Variants in CSMD1 observed in about 807,000 individuals in gnomAD.
CSMD1 encodes CUB and Sushi multiple domains 1, also known as CUB and sushi domain-containing protein 1.
In CSMD1, 213 loss-of-function variants were observed where a neutral mutation model predicts 417.5. The ratio of observed to expected loss-of-function variants is 0.51; its 90% CI spans 0.46 to 0.57. The LOEUF is 0.57. CSMD1 is among the 20% of genes least tolerant of loss of function. The probability of loss-of-function intolerance (pLI) is 0.00; values close to 1 mark genes in which losing one functional copy is unlikely to be tolerated. For synonymous variants in CSMD1, 2,862 were observed against 1,736.8 expected (o/e 1.65, Z -16.11); for missense variants, 6,923 against 4,529.7 (o/e 1.53, Z -15.17).
chr8:3,888,088 T>G (rs1435931184), intron 5 of CSMD1, among the ~76,000 whole-genome samples: 1 of 152,178 alleles, frequency 6.6e-6, no homozygotes, highest in Non-Finnish European at 1.5e-5. Flanking sequence ...TGCAATATCA[T>G]TAATTAAAAA....
At chr8:3,024,302 G>A (rs1203665130) in intron 51 of CSMD1, among the ~76,000 whole-genome samples, 2 of 149,316 alleles carry the variant, frequency 1.3e-5, no homozygotes, top group South Asian at 2.2e-4. Context: ...TTTTTGGGGG[G>A]GGAGGGCAGT....
chr8:4,501,223 T>C (rs1001673883), intron 2 of CSMD1, among the ~76,000 whole-genome samples: 4 of 152,084 alleles, frequency 2.6e-5, no homozygotes, highest in African/African-American at 7.2e-5. Flanking sequence ...CTCTATAACA[T>C]TGCTGGGCCA....
intron 2 of CSMD1, among the ~76,000 whole-genome samples, chr8:4,481,231 G>A (rs1408854867): frequency 6.6e-6 from 1 of 152,180 alleles, no homozygotes; most frequent in Non-Finnish European, 1.5e-5. Context: ...AGACCTAAGA[G>A]TCCAAATTTA....
chr8:2,965,888 T>A lies in CSMD1; in HGVS notation c.9167A>T (p.Asn3056Ile). 3 of 1,610,712 alleles carry A rather than the reference T, an allele frequency of 1.9e-6. No individual in the cohort carries two copies. Among genetic ancestry groups the A allele is most frequent in the Non-Finnish European group, 2.5e-6 (3 of 1,178,496 alleles). The change falls in exon 59 of 70, where the codon AAC becomes ATC. Residue 3056 changes from asparagine (N) to isoleucine (I), a missense_variant. Coordinates refer to ENST00000635120, the MANE Select transcript of CSMD1 (RefSeq NM_033225.6). ...GTTACACTGATAGCTCACAGTCTTG[T>A]TGAAGGTGAAGTCGGTCCCAAACTG... Reference protein sequence around the residue: ...GIQFGTDFTFNKTVSYQCNPG... With the variant: ...GIQFGTDFTFIKTVSYQCNPG...
intron 30 of CSMD1, among the ~76,000 whole-genome samples, chr8:3,211,334 T>G (rs530773559): frequency 3.4e-4 from 52 of 152,312 alleles, no homozygotes; most frequent in African/African-American, 1.2e-3. Context: ...CATGAGCAGC[T>G]TTGTCTGGTC....
At chr8:4,196,769 C>A (rs1041199697) in intron 3 of CSMD1, among the ~76,000 whole-genome samples, 1 of 152,026 alleles carries the variant, frequency 6.6e-6, no homozygotes, top group Non-Finnish European at 1.5e-5. Context: ...ATCTGTAAAC[C>A]CCTTTTTCCC....
At chr8:3,270,448 G>C (rs1326730699) in intron 26 of CSMD1, among the ~76,000 whole-genome samples, 1 of 152,088 alleles carries the variant, frequency 6.6e-6, no homozygotes, top group Non-Finnish European at 1.5e-5. Flanking sequence ...AAATTTACCA[G>C]GTGATAGATT....
At chr8:3,843,544 A>G (rs1803272799) in intron 5 of CSMD1, among the ~76,000 whole-genome samples, 2 of 152,224 alleles carry the variant, frequency 1.3e-5, no homozygotes, top group South Asian at 4.1e-4. Flanking sequence ...AAGTAAAAAA[A>G]AAACAAGTTA....
At chr8:3,934,942 A>G (rs1032738545) in intron 5 of CSMD1, among the ~76,000 whole-genome samples, 3 of 152,158 alleles carry the variant, frequency 2.0e-5, no homozygotes, top group African/African-American at 4.8e-5. Flanking sequence ...AGGGCATATA[A>G]AAGTAATATT....
At chr8:4,959,129 A>G (rs538667040) in intron 1 of CSMD1, among the ~76,000 whole-genome samples, 1 of 152,346 alleles carries the variant, frequency 6.6e-6, no homozygotes, top group East Asian at 1.9e-4. Context: ...TTTAAAGGTT[A>G]TATGAGAATT....
At chr8:3,125,758 C>A (rs1251939434) in intron 41 of CSMD1, among the ~76,000 whole-genome samples, 3 of 152,164 alleles carry the variant, frequency 2.0e-5, no homozygotes, top group African/African-American at 7.2e-5. Context: ...GGGCAGATTA[C>A]CTGAGATCAG....
At chr8:3,112,180 G>C (rs58576795) in intron 42 of CSMD1, among the ~76,000 whole-genome samples, 169 of 152,104 alleles carry the variant, frequency 1.1e-3, no homozygotes, top group African/African-American at 3.7e-3. Flanking sequence ...CTCAGGTCAT[G>C]ATAAACAAAT....
chr8:4,845,753 G>A (rs1801105236), intron 1 of CSMD1, among the ~76,000 whole-genome samples: 1 of 152,190 alleles, frequency 6.6e-6, no homozygotes, highest in African/African-American at 2.4e-5. Flanking sequence ...GGTGCTCAGG[G>A]AGCTGCTCAA....
chr8:4,094,011 T>TAGAG (rs1800865916), intron 3 of CSMD1, among the ~76,000 whole-genome samples: 1 of 149,286 alleles, frequency 6.7e-6, no homozygotes, highest in Non-Finnish European at 1.5e-5. Flanking sequence ...GATAGATAGA[T>TAGAG]AAAGAAAAAA....
chr8:4,115,021 C>T (rs1340528408), intron 3 of CSMD1, among the ~76,000 whole-genome samples: 10 of 152,136 alleles, frequency 6.6e-5, no homozygotes, highest in Admixed American at 1.3e-4. Flanking sequence ...AATGCAGAAG[C>T]ATGGTTTGAA....
chr8:3,167,520 T>A (rs1009039055), intron 37 of CSMD1, among the ~76,000 whole-genome samples: 1 of 152,210 alleles, frequency 6.6e-6, no homozygotes, highest in Admixed American at 6.5e-5. Context: ...GTGGGTCTTA[T>A]GTACTGTAGT....
intron 5 of CSMD1, among the ~76,000 whole-genome samples, chr8:3,916,263 C>A (rs954681802): frequency 2.0e-5 from 3 of 152,022 alleles, no homozygotes; most frequent in Admixed American, 2.0e-4. Flanking sequence ...ACAACAGGAG[C>A]CCAGAAAGCT....
intron 7 of CSMD1, among the ~76,000 whole-genome samples, chr8:3,685,668 G>C (rs1440269699): frequency 1.3e-5 from 2 of 152,104 alleles, no homozygotes; most frequent in Non-Finnish European, 2.9e-5. Flanking sequence ...GCTTTTCTGA[G>C]GAAGGAAGTC....
chr8:3,077,102 G>A (rs1206940398), intron 49 of CSMD1, among the ~76,000 whole-genome samples: 2 of 152,152 alleles, frequency 1.3e-5, no homozygotes, highest in East Asian at 1.9e-4. Flanking sequence ...GTGCCTGCAC[G>A]TCTGGTATGT....
Sources: gnomAD v4.1 joint callset for allele counts (sites outside exome capture counted in the v4.1 genomes callset) on GRCh38, gnomAD v4.1.1 for gene constraint, MANE v1.5 for transcripts, NCBI Gene and HGNC (gene_info 2026-07-23, HGNC 2026-07-21) for gene names.